Variants in ENO4 observed in about 807,000 individuals in gnomAD.
The protein encoded by ENO4 is 2-phospho-D-glycerate hydro-lyase.
A neutral mutation model predicts 63.2 loss-of-function variants in ENO4; 53 were observed. That is an observed-to-expected ratio of 0.84 (90% CI 0.67 to 1.05). The LOEUF (loss-of-function observed/expected upper bound fraction) is 1.05. ENO4 is among the 50% of genes least tolerant of loss of function. The pLI, the probability that ENO4 is intolerant of heterozygous loss-of-function variation, is 0.00. For missense variants in ENO4, 719 were observed against 772.0 expected (o/e 0.93, Z 0.81); for synonymous variants, 266 against 283.8 (o/e 0.94, Z 0.63).
chr10:116,861,706 C>G (rs1846419572), intron 6 of ENO4, among the ~76,000 whole-genome samples: 1 of 152,082 alleles, frequency 6.6e-6, no homozygotes, highest in African/African-American at 2.4e-5. Context: ...AGTCAATATG[C>G]CTCTTTAAAT....
chr10:116,893,618 G>A (rs1482812163), intron 10 of ENO4, among the ~76,000 whole-genome samples: 6 of 34,668 alleles, frequency 1.7e-4, no homozygotes, highest in Non-Finnish European at 3.6e-4. Context: ...GCGGAGAAGC[G>A]GAGGTTATGA....
intron 11 of ENO4, among the ~76,000 whole-genome samples, chr10:116,878,880 A>G (rs1038097865): frequency 4.6e-5 from 7 of 150,748 alleles, no homozygotes; most frequent in East Asian, 3.9e-4. Context: ...AGTAGCTGGG[A>G]CTACAGGTGC....
chr10:116,891,844 T>C (rs746134153), intron 10 of ENO4, among the ~76,000 whole-genome samples: 4 of 152,214 alleles, frequency 2.6e-5, no homozygotes, highest in Admixed American at 1.3e-4. Flanking sequence ...TAAAATATAA[T>C]AAAGGCAGAA....
At chr10:116,903,146 A>G (rs912424245) in intron 10 of ENO4, among the ~76,000 whole-genome samples, 21 of 152,244 alleles carry the variant, frequency 1.4e-4, no homozygotes, top group African/African-American at 4.3e-4. Flanking sequence ...TGGAAGCCCC[A>G]GTTCACAAAG....
intron 10 of ENO4, among the ~76,000 whole-genome samples, chr10:116,904,143 T>A (rs867166602): frequency 2.6e-5 from 4 of 152,290 alleles, no homozygotes; most frequent in Middle Eastern, 3.4e-3. Context: ...CACATTTACT[T>A]TCCCAAAAGC....
chr10:116,911,670 G>A, exon 11 of ENO4: 3 of 1,575,888 alleles, frequency 1.9e-6, no homozygotes, highest in Non-Finnish European at 2.6e-6. Flanking sequence ...ACTGGCCAAA[G>A]ATGAGGCTAA....
chr10:116,898,876 A>T (rs1461836507), intron 10 of ENO4, among the ~76,000 whole-genome samples: 2 of 152,250 alleles, frequency 1.3e-5, no homozygotes, highest in African/African-American at 2.4e-5. Flanking sequence ...CTAGGAAATA[A>T]ATCAGTATAT....
chr10:116,861,916 G>A (rs1429799855), intron 6 of ENO4, among the ~76,000 whole-genome samples: 1 of 152,068 alleles, frequency 6.6e-6, no homozygotes, highest in African/African-American at 2.4e-5. Context: ...AGTTGCAGAA[G>A]AATACTATTT....
rs1847011528 is a variant in ENO4, at chr10:116,881,512, T to G, written c.1724-3T>G. The G allele has an allele frequency of 1.2e-5, 18 of 1,534,898 alleles. No individual in the cohort carries two copies. The highest frequency in any genetic ancestry group is 1.6e-5 in the Non-Finnish European group (18 of 1,141,064). On this transcript the variant is annotated splice_polypyrimidine_tract_variant and splice_region_variant and intron_variant, in intron 13 of 13. Coordinates refer to ENST00000341276, the MANE Select transcript of ENO4 (RefSeq NM_001242699.2). ...CAGTAAACTTTATTGTTACTTTAAA[T>G]AGGTTTCAAAGAAGAACACACTTTT...
chr10:116,904,926 G>A (rs1847902182), intron 10 of ENO4, among the ~76,000 whole-genome samples: 1 of 151,960 alleles, frequency 6.6e-6, no homozygotes, highest in Admixed American at 6.5e-5. Flanking sequence ...TGTTGGCCGG[G>A]CGCGGTGGCT....
At chr10:116,901,433 A>AG in intron 10 of ENO4, 1 of 985,324 alleles carries the variant, frequency 1.0e-6, no homozygotes, top group Non-Finnish European at 1.2e-6. Flanking sequence ...AACCATTAAG[A>AG]GGGATGATCG....
chr10:116,902,449 G>A (rs1847781996), intron 10 of ENO4, among the ~76,000 whole-genome samples: 1 of 152,176 alleles, frequency 6.6e-6, no homozygotes, highest in African/African-American at 2.4e-5. Context: ...TAATGTGAAT[G>A]AGAAGTAAGT....
At chr10:116,911,526 G>A in exon 11 of ENO4, 1 of 1,550,546 alleles carries the variant, frequency 6.4e-7, no homozygotes, top group Non-Finnish European at 8.7e-7. Context: ...TGTGATGCCA[G>A]GATTGGAGGG....
At position 116,881,741 on chromosome 10, in the gene ENO4, T is replaced by G; in HGVS notation, c.*72T>G. The G allele has an allele frequency of 2.6e-6, 3 of 1,165,104 alleles. No homozygotes were observed. Among genetic ancestry groups the G allele is most frequent in the Non-Finnish European group, 3.4e-6 (3 of 891,548 alleles). The allele number at this position is 1,165,104 out of a possible 1,614,324, so 72.2% of individuals were successfully genotyped here. ...CCGGGAGGTCTGAAGTACGGCGCCG[T>G]GTCTCCACATGGAGTTTCCTCTTCA... On this transcript the variant is annotated 3_prime_UTR_variant, in exon 14 of 14. Coordinates refer to ENST00000341276, the MANE Select transcript of ENO4 (RefSeq NM_001242699.2).
At chr10:116,892,437 T>G (rs1228300629) in intron 10 of ENO4, among the ~76,000 whole-genome samples, 2 of 152,204 alleles carry the variant, frequency 1.3e-5, no homozygotes, top group Non-Finnish European at 2.9e-5. Context: ...TGCACAACAT[T>G]AAGTCATCAT....
chr10:116,881,449 C>T, intron 13 of ENO4, 66 bp from the exon 14 acceptor site: 3 of 1,279,608 alleles, frequency 2.3e-6, no homozygotes, highest in Non-Finnish European at 3.2e-6. Context: ...TCTCCTTCAA[C>T]TTATGTAGTA....
At chr10:116,887,986 T>C (rs1674506101) in intron 10 of ENO4, among the ~76,000 whole-genome samples, 1 of 152,160 alleles carries the variant, frequency 6.6e-6, no homozygotes, top group South Asian at 2.1e-4. Context: ...CACTGCTTTT[T>C]TCACTTTCTG....
At chr10:116,890,770 A>G (rs959296439) in intron 10 of ENO4, among the ~76,000 whole-genome samples, 10 of 152,244 alleles carry the variant, frequency 6.6e-5, no homozygotes, top group Non-Finnish European at 1.0e-4. Context: ...TAGTAAAAGG[A>G]AAGACCTGAC....
chr10:116,907,489 AG>A (rs1848017523), intron 10 of ENO4, among the ~76,000 whole-genome samples: 1 of 152,208 alleles, frequency 6.6e-6, no homozygotes. Context: ...AAGAAGACAG[AG>A]GAAGATCCAT....
Sources: gnomAD v4.1 joint callset for allele counts (sites outside exome capture counted in the v4.1 genomes callset) on GRCh38, gnomAD v4.1.1 for gene constraint, MANE v1.5 for transcripts, NCBI Gene and HGNC (gene_info 2026-07-23, HGNC 2026-07-21) for gene names.